ME3: variants seen among roughly 807,000 people sequenced by gnomAD.
The protein encoded by ME3 is malic enzyme 3.
ME3 carries 48 observed loss-of-function variants against 68.9 expected under a neutral mutation model. That is an observed-to-expected ratio of 0.70 (90% confidence interval 0.55 to 0.89). The LOEUF is 0.89. Ranked by LOEUF, ME3 falls within the 40% of genes least tolerant of loss-of-function variation. The probability of loss-of-function intolerance (pLI) is 0.00; values close to 1 mark genes in which losing one functional copy is unlikely to be tolerated. For synonymous variants in ME3, 320 were observed against 318.8 expected, an observed-to-expected ratio of 1.00 and a Z score of -0.04; for missense variants, 675 against 797.4, an observed-to-expected ratio of 0.85 and a Z score of 1.85.
chr11:86,599,806 TAAAGA>T (rs1213367169), intron 2 of ME3, among the ~76,000 whole-genome samples: 3 of 152,224 alleles, frequency 2.0e-5, no homozygotes, highest in Admixed American at 6.5e-5. Flanking sequence ...TCAACATTCT[TAAAGA>T]AAAGAATTTT....
At chr11:86,567,921 G>A (rs1169646141) in intron 2 of ME3, among the ~76,000 whole-genome samples, 1 of 152,170 alleles carries the variant, frequency 6.6e-6, no homozygotes, top group Non-Finnish European at 1.5e-5. Flanking sequence ...TGCTTGTTCT[G>A]TGTATGTAAA....
At chr11:86,455,264 A>G (rs1447690053) in intron 8 of ME3, among the ~76,000 whole-genome samples, 1 of 152,262 alleles carries the variant, frequency 6.6e-6, no homozygotes, top group Non-Finnish European at 1.5e-5. Context: ...CTGCCATCAG[A>G]GAACTCCCAG....
intron 4 of ME3, among the ~76,000 whole-genome samples, chr11:86,534,445 C>T (rs935441840): frequency 6.6e-6 from 1 of 152,110 alleles, no homozygotes; most frequent in Non-Finnish European, 1.5e-5. Context: ...GAAGCTGAGG[C>T]TCACAGATCA....
rs537080805 is a variant in ME3, at chr11:86,501,853, G to A, written c.544-3729C>T. Among the ~76,000 whole-genome samples the A allele has an allele frequency of 4.6e-5, 7 of 152,122 alleles. No homozygotes were observed. The South Asian group carries it at 1.2e-3, about 27-fold the overall frequency. Reference sequence around the variant, plus strand: ...ATCTTCATATTATTGCTACTGCCTCGGATCAGATCATCCATCTTCACTTGA... The same window carrying A: ...ATCTTCATATTATTGCTACTGCCTCAGATCAGATCATCCATCTTCACTTGA... On this transcript the variant is annotated intron_variant, in intron 5 of 14. Transcript: ENST00000543262.
intron 8 of ME3, chr11:86,462,682 G>A (rs1381841848): frequency 3.0e-6 from 3 of 1,007,196 alleles, no homozygotes; most frequent in Non-Finnish European, 4.1e-6. Context: ...TGGGAGCTGG[G>A]GAACAAGAAT....
chr11:86,619,297 G>GA (rs1481847388), intron 2 of ME3, among the ~76,000 whole-genome samples: 3 of 152,180 alleles, frequency 2.0e-5, no homozygotes, highest in Non-Finnish European at 4.4e-5. Flanking sequence ...TCTTGTTGGT[G>GA]AAAAATACTA....
chr11:86,441,405 G>T (rs1254544117), exon 15 of ME3: 1 of 1,608,392 alleles, frequency 6.2e-7, no homozygotes, highest in Non-Finnish European at 8.5e-7. Flanking sequence ...CTGGGTAGTA[G>T]GAAGCCAGGT....
chr11:86,622,300 T>C (rs1943396588), intron 2 of ME3, among the ~76,000 whole-genome samples: 2 of 151,976 alleles, frequency 1.3e-5, no homozygotes, highest in African/African-American at 4.8e-5. Flanking sequence ...TACGCCTCCC[T>C]ATCAATGGGA....
At chr11:86,521,989 C>G (rs1289041897) in intron 4 of ME3, among the ~76,000 whole-genome samples, 1 of 152,192 alleles carries the variant, frequency 6.6e-6, no homozygotes, top group Admixed American at 6.5e-5. Context: ...GTGACTCATA[C>G]CTGTAATCCC....
intron 2 of ME3, among the ~76,000 whole-genome samples, chr11:86,619,339 G>A (rs1943198071): frequency 6.6e-6 from 1 of 152,132 alleles, no homozygotes; most frequent in Non-Finnish European, 1.5e-5. Flanking sequence ...TACTGAAATC[G>A]TATAATAAAG....
chr11:86,628,486 G>A (rs145916686), intron 2 of ME3, among the ~76,000 whole-genome samples: 3 of 152,172 alleles, frequency 2.0e-5, no homozygotes, highest in African/African-American at 4.8e-5. Flanking sequence ...AATCTAGACC[G>A]ATTTGTTCAG....
chr11:86,473,062 G>T (rs558880738), intron 7 of ME3, among the ~76,000 whole-genome samples: 35 of 152,366 alleles, frequency 2.3e-4, no homozygotes, highest in African/African-American at 8.4e-4. Flanking sequence ...GGGATTGGGT[G>T]AGGGTTCTCA....
exon 7 of ME3, chr11:86,487,440 C>T: frequency 6.2e-7 from 1 of 1,613,672 alleles, no homozygotes; most frequent in Non-Finnish European, 8.5e-7. Context: ...CTGAGCAGCT[C>T]CTGGAACAGA....
intron 2 of ME3, among the ~76,000 whole-genome samples, chr11:86,574,401 G>A (rs546436065): frequency 1.7e-5 from 1 of 59,638 alleles, no homozygotes; most frequent in East Asian, 7.9e-4. Flanking sequence ...TGTTGCCGGG[G>A]GGGGGGGGGG....
At chr11:86,489,513 G>A (rs572567413) in intron 6 of ME3, among the ~76,000 whole-genome samples, 1 of 152,188 alleles carries the variant, frequency 6.6e-6, no homozygotes, top group Non-Finnish European at 1.5e-5. Context: ...CAGCCATGGA[G>A]GTGTGTGGCT....
chr11:86,666,536 A>G (rs970589701), intron 2 of ME3, among the ~76,000 whole-genome samples: 1 of 152,240 alleles, frequency 6.6e-6, no homozygotes, highest in Admixed American at 6.5e-5. Context: ...AAGCCCCAAT[A>G]CCAATACTTA....
chr11:86,516,342 GTAAAT>G (rs1267636854), intron 4 of ME3, among the ~76,000 whole-genome samples: 2 of 149,414 alleles, frequency 1.3e-5, no homozygotes, highest in Non-Finnish European at 3.0e-5. Flanking sequence ...AAAGTTGTGA[GTAAAT>G]AAAATCTCTC....
chr11:86,633,033 G>T (rs1348382972), intron 2 of ME3, among the ~76,000 whole-genome samples: 1 of 152,178 alleles, frequency 6.6e-6, no homozygotes, highest in East Asian at 1.9e-4. Context: ...GATGTTGAGG[G>T]TTCCCACAGA....
intron 2 of ME3, among the ~76,000 whole-genome samples, chr11:86,599,296 T>A (rs1960158160): frequency 6.6e-6 from 1 of 152,108 alleles, no homozygotes; most frequent in Non-Finnish European, 1.5e-5. Flanking sequence ...GAGAACTACG[T>A]GAAGAAGGCA....
Sources: gnomAD v4.1 joint callset for allele counts (sites outside exome capture counted in the v4.1 genomes callset) on GRCh38, gnomAD v4.1.1 for gene constraint, MANE v1.5 for transcripts, NCBI Gene and HGNC (gene_info 2026-07-23, HGNC 2026-07-21) for gene names.